The following ESRRB variants were observed in gnomAD, a reference collection of about 807,000 sequenced individuals.
The protein encoded by ESRRB is steroid hormone receptor ERR2.
ESRRB carries 16 observed loss-of-function variants against 46.0 expected under a neutral mutation model. The observed-to-expected ratio is 0.35, with a 90% CI of 0.24 to 0.53. The LOEUF (loss-of-function observed/expected upper bound fraction) is 0.53, where lower values mean the gene tolerates loss of function less well. ESRRB is among the 20% of genes least tolerant of loss of function. The pLI, the probability that ESRRB is intolerant of heterozygous loss-of-function variation, is 0.93. For synonymous variants in ESRRB, 246 were observed against 259.6 expected, an observed-to-expected ratio of 0.95 and a Z score of 0.50; for missense variants, 488 against 607.4, an observed-to-expected ratio of 0.80 and a Z score of 2.07.
In ESRRB at chr14:76,498,551, C is replaced by A. The variant is rs1890526513; in HGVS notation, c.*93C>A. On this transcript the variant is annotated 3_prime_UTR_variant, in exon 7 of 7. Transcript: ENST00000644823. ...ACAGCCACCAGCCTCCACCTTCAACCCCTGTATCATGGCTCTGAGCTGTCC... is the reference window on the plus strand; with the variant it reads ...ACAGCCACCAGCCTCCACCTTCAACACCTGTATCATGGCTCTGAGCTGTCC... 6.2e-7 allele frequency: 1 copy of A among 1,606,696 alleles called. No individual in the cohort carries two copies. The highest frequency in any genetic ancestry group is 1.7e-5 in the Admixed American group (1 of 59,360).
chr14:76,416,629 C>G (rs577591771), intron 1 of ESRRB, among the ~76,000 whole-genome samples: 33 of 152,048 alleles, frequency 2.2e-4, no homozygotes, highest in Non-Finnish European at 3.8e-4. Context: ...ACCACCACAC[C>G]TGGCTAATTT....
intron 3 of ESRRB, among the ~76,000 whole-genome samples, chr14:76,477,573 A>G (rs1889631163): frequency 6.6e-6 from 1 of 152,076 alleles, no homozygotes; most frequent in Admixed American, 6.6e-5. Context: ...ACCTGAAATA[A>G]CCCGTAAGGG....
intron 6 of ESRRB, among the ~76,000 whole-genome samples, chr14:76,493,604 G>A (rs1043836664): frequency 1.3e-5 from 2 of 152,336 alleles, no homozygotes; most frequent in Non-Finnish European, 2.9e-5. Context: ...GGAAAAGGGA[G>A]AACTGGCTCC....
chr14:76,498,143 C>G, intron 6 of ESRRB, 71 bp from the exon 7 acceptor site: 1 of 1,596,736 alleles, frequency 6.3e-7, no homozygotes, highest in Non-Finnish European at 8.6e-7. Flanking sequence ...GCCTCCTGGA[C>G]CCCAAGATGG....
At chr14:76,485,233 A>ATTTTTTTTTT (rs34504939) in intron 5 of ESRRB, among the ~76,000 whole-genome samples, 1 of 91,862 alleles carries the variant, frequency 1.1e-5, no homozygotes, top group South Asian at 4.3e-4. Flanking sequence ...CAAATGCCTG[A>ATTTTTTTTTT]TTTTTTTTTT....
In ESRRB at chr14:76,500,115, C is replaced by T; in HGVS notation, c.*1657C>T. 1 of 1,483,968 alleles carries T rather than the reference C, an allele frequency of 6.7e-7. No individual in the cohort carries two copies. Among genetic ancestry groups the T allele is most frequent in the Non-Finnish European group, 9.1e-7 (1 of 1,093,512 alleles). The allele number at this position is 1,483,968 out of a possible 1,614,324, so 91.9% of individuals were successfully genotyped here. A position where few individuals can be genotyped will look rare whatever the true frequency, so the allele number is the denominator to read the frequency against. On this transcript the variant is annotated 3_prime_UTR_variant, in exon 7 of 7. Coordinates refer to ENST00000644823, the MANE Select transcript of ESRRB (RefSeq NM_001379180.1). ...AGAAGCCCTGGTCCCACCTCCTTGG[C>T]TCTACCCCAGGAACCTCCCGGCCTG...
Position 76,323,572 on chromosome 14 carries a change from A to T in ESRRB, c.2+12656A>T, listed in dbSNP as rs112967269. Among the ~76,000 whole-genome samples, 521 of 152,222 alleles carry T rather than the reference A, an allele frequency of 3.4e-3. 4 individuals are homozygous for T. Among genetic ancestry groups the T allele is most frequent in the African/African-American group, 0.012 (488 of 41,532 alleles). On this transcript the variant is annotated intron_variant, in intron 1 of 6. Transcript: ENST00000512784. ...CAATTCTCCCACCTCAGCCTCCCAA[A>T]GTGTTCAGATTACAGGTATGAGCCA...
At chr14:76,432,606 C>CCCAGCTAATTTTTGTATTTGTAGTAG (rs1555396599) in intron 1 of ESRRB, among the ~76,000 whole-genome samples, 2 of 147,808 alleles carry the variant, frequency 1.4e-5, no homozygotes, top group African/African-American at 5.1e-5. Flanking sequence ...CTGCCACCTA[C>CCCAGCTAATTTTTGTATTTGTAGTAG]AAACTTCTCA....
rs1884056433 is a variant in ESRRB, at chr14:76,332,976, C to CATTATATATATTATATATT, written c.2+22060_2+22061insATTATATATATTATATATT. Among the ~76,000 whole-genome samples the CATTATATATATTATATATT allele has an allele frequency of 8.9e-4, 12 of 13,524 alleles. 1 individual carries two copies. The highest frequency in any genetic ancestry group is 1.4e-3 in the Admixed American group (1 of 694). The allele number at this position is 13,524 out of a possible 152,430, so 8.9% of individuals were successfully genotyped here. On this transcript the variant is annotated intron_variant, in intron 1 of 6. Coordinates refer to the ESRRB transcript ENST00000512784. ...TATTTACATTATATATATTATATATCTATATATTATATATTTACATTATAT... is the reference window on the plus strand; with the variant it reads ...TATTTACATTATATATATTATATATCATTATATATATTATATATTTATATATTATATATTTACATTATAT...
intron 3 of ESRRB, among the ~76,000 whole-genome samples, chr14:76,472,411 C>T (rs1176963317): frequency 2.0e-5 from 3 of 152,196 alleles, no homozygotes; most frequent in African/African-American, 7.2e-5. Flanking sequence ...CCACAGTGCC[C>T]GGAGCCCACA....
At chr14:76,451,867 G>A (rs556098816) in intron 2 of ESRRB, among the ~76,000 whole-genome samples, 76 of 143,964 alleles carry the variant, frequency 5.3e-4, no homozygotes, top group African/African-American at 1.8e-3. Context: ...TCCTGACCTC[G>A]TGACCCTCCT....
At chr14:76,320,379 C>A (rs1883853055) in intron 1 of ESRRB, among the ~76,000 whole-genome samples, 1 of 152,220 alleles carries the variant, frequency 6.6e-6, no homozygotes, top group Non-Finnish European at 1.5e-5. Flanking sequence ...GCCTCTGTTT[C>A]TTCTTCTGTA....
chr14:76,338,991 G>A (rs1046568226), intron 1 of ESRRB, among the ~76,000 whole-genome samples: 1 of 152,134 alleles, frequency 6.6e-6, no homozygotes, highest in Non-Finnish European at 1.5e-5. Flanking sequence ...AGGGACCATG[G>A]ATAATATGTT....
At chr14:76,398,249 T>G (rs1193882794) in intron 1 of ESRRB, among the ~76,000 whole-genome samples, 1 of 152,158 alleles carries the variant, frequency 6.6e-6, no homozygotes, top group Non-Finnish European at 1.5e-5. Flanking sequence ...ATATTCCAGA[T>G]GAGGAAATAG....
At chr14:76,481,114 T>A (rs1889789967) in intron 3 of ESRRB, among the ~76,000 whole-genome samples, 2 of 152,198 alleles carry the variant, frequency 1.3e-5, no homozygotes, top group African/African-American at 4.8e-5. Context: ...TCTCTGGTGC[T>A]TTTTGTGTTG....
At chr14:76,462,143 C>G in intron 2 of ESRRB, among the ~76,000 whole-genome samples, 1 of 152,070 alleles carries the variant, frequency 6.6e-6, no homozygotes, top group East Asian at 1.9e-4. Flanking sequence ...GGGTCCCAGG[C>G]TGGAGGCTGG....
chr14:76,436,293 C>T, intron 1 of ESRRB, among the ~76,000 whole-genome samples: 1 of 152,220 alleles, frequency 6.6e-6, no homozygotes, highest in East Asian at 1.9e-4. Flanking sequence ...TTTCCATTTA[C>T]TTTCCTTGGG....
rs979083740 is a variant in ESRRB at position 76,354,227 on chromosome 14, C to A, written c.2+43311C>A. On this transcript the variant is annotated intron_variant, in intron 1 of 6. Transcript: ENST00000512784. Reference sequence around the variant, plus strand: ...TGGCCCCCAGGGTCCTCTACCCGCCCCCCCCCCCACCCACACTTCCACCCT... The same window carrying A: ...TGGCCCCCAGGGTCCTCTACCCGCCACCCCCCCCACCCACACTTCCACCCT... Among the ~76,000 whole-genome samples the A allele has an allele frequency of 1.0e-3, 99 of 94,510 alleles. 4 individuals are homozygous for A. The highest frequency in any genetic ancestry group is 1.8e-3 in the Non-Finnish European group (87 of 48,344). The allele number at this position is 94,510 out of a possible 152,430, so 62.0% of individuals were successfully genotyped here.
At chr14:76,408,591 C>CAAAAAAAAAAAAAAAAAAA (rs35955826) in intron 1 of ESRRB, among the ~76,000 whole-genome samples, 1 of 42,152 alleles carries the variant, frequency 2.4e-5, no homozygotes, top group African/African-American at 1.1e-4. Context: ...GACCCTGTCT[C>CAAAAAAAAAAAAAAAAAAA]AAAAAAAAAA....
Sources: gnomAD v4.1 joint callset for allele counts (sites outside exome capture counted in the v4.1 genomes callset) on GRCh38, gnomAD v4.1.1 for gene constraint, MANE v1.5 for transcripts, NCBI Gene and HGNC (gene_info 2026-07-23, HGNC 2026-07-21) for gene names.